The following RPGRIP1 variants were observed in gnomAD, a reference collection of about 807,000 sequenced individuals.
RPGRIP1 encodes the protein X-linked retinitis pigmentosa GTPase regulator-interacting protein 1.
Under a neutral mutation model 157.9 loss-of-function variants are expected in RPGRIP1, and 128 were observed. The ratio of observed to expected loss-of-function variants is 0.81; its 90% CI spans 0.70 to 0.94. The LOEUF (loss-of-function observed/expected upper bound fraction) is 0.94, where lower values mean the gene tolerates loss of function less well. Among genes scored for constraint, RPGRIP1 ranks in the 40% least tolerant of loss-of-function variants. RPGRIP1 has a pLI of 0.00. For synonymous variants in RPGRIP1, 554 were observed against 571.6 expected (o/e 0.97, Z 0.44); for missense variants, 1,486 against 1,545.8 (o/e 0.96, Z 0.65).
chr14:21,320,218 G>A, intron 12 of RPGRIP1, 41 bp downstream of exon 12: 1 of 1,538,428 alleles, frequency 6.5e-7, no homozygotes, highest in Non-Finnish European at 8.9e-7. Context: ...TCTGCAGAGA[G>A]ATCTCTGGCA....
At chr14:21,337,085 C>G (rs57343312) in intron 21 of RPGRIP1, among the ~76,000 whole-genome samples, 4,854 of 152,152 alleles carry the variant, frequency 0.032, 257 homozygotes, top group African/African-American at 0.11. Context: ...AGCTCAGAGT[C>G]AAAACTTGAG....
chr14:21,321,711 G>A, intron 13 of RPGRIP1, 143 bp from the exon 14 acceptor site: 1 of 939,054 alleles, frequency 1.1e-6, no homozygotes, highest in East Asian at 2.6e-5. Flanking sequence ...GGAGGGGTCT[G>A]CAAGGAAATC....
intron 3 of RPGRIP1, among the ~76,000 whole-genome samples, chr14:21,299,118 C>T (rs1880919524): frequency 6.6e-6 from 1 of 151,442 alleles, no homozygotes; most frequent in Non-Finnish European, 1.5e-5. Context: ...CAGATTCAAG[C>T]GATTCTCCTG....
At chr14:21,328,801 T>C (rs144467136) in intron 19 of RPGRIP1, among the ~76,000 whole-genome samples, 174 bp downstream of exon 19, 1,567 of 151,606 alleles carry the variant, frequency 0.01, 6 homozygotes, top group Non-Finnish European at 0.016. Context: ...GGTGGGCAGA[T>C]CACCTCAGGT....
chr14:21,345,419 C>T (rs895099291), intron 23 of RPGRIP1, among the ~76,000 whole-genome samples: 7 of 130,940 alleles, frequency 5.3e-5, no homozygotes, highest in African/African-American at 1.6e-4. Flanking sequence ...TATTTATTTT[C>T]GAGACAGGGT....
intron 8 of RPGRIP1, among the ~76,000 whole-genome samples, chr14:21,311,160 T>C (rs1321833246): frequency 1.3e-5 from 2 of 152,106 alleles, no homozygotes; most frequent in Non-Finnish European, 1.5e-5. Flanking sequence ...ACAAACGTAG[T>C]CATCATAAAA....
intron 21 of RPGRIP1, among the ~76,000 whole-genome samples, chr14:21,337,793 T>C (rs1214051057): frequency 1.4e-5 from 2 of 142,322 alleles, no homozygotes; most frequent in Admixed American, 1.4e-4. Flanking sequence ...TCTCGCTCTG[T>C]CACCCAGGCT....
chr14:21,331,269 T>C (rs956718955), intron 20 of RPGRIP1, among the ~76,000 whole-genome samples: 5 of 148,524 alleles, frequency 3.4e-5, no homozygotes, highest in African/African-American at 1.2e-4. Context: ...ATACCTGTAA[T>C]CCCAGCACTT....
rs762670808 is a variant in RPGRIP1 at position 21,324,975 on chromosome 14, T to C, written c.2120T>C (p.Met707Thr). Residue 707 changes from methionine (M) to threonine (T), a missense_variant, in exon 15 of 25, where the codon ATG becomes ACG. Physicochemically the swap from Met to Thr is moderately conservative, Grantham distance 81. Coordinates refer to ENST00000400017, the MANE Select transcript of RPGRIP1 (RefSeq NM_020366.4). ...ASARLDIHQA[M>T]ASEHSTLAAG... ...GCCCGGCTTGACATACACCAGGCCA[T>C]GGCCAGTGAACACAGCACTCTTGCT... 1 of 1,614,006 alleles carries C rather than the reference T, an allele frequency of 6.2e-7. No homozygotes were observed. Among genetic ancestry groups the C allele is most frequent in the South Asian group, 1.1e-5 (1 of 91,078 alleles).
intron 1 of RPGRIP1, among the ~76,000 whole-genome samples, chr14:21,282,447 A>G (rs56185443): frequency 0.06 from 9,098 of 151,992 alleles, 381 homozygotes; most frequent in Middle Eastern, 0.092. Context: ...TATGTTGACC[A>G]GGATGGTCTC....
chr14:21,312,714 AG>A (rs1290480817), intron 10 of RPGRIP1, among the ~76,000 whole-genome samples: 2 of 150,000 alleles, frequency 1.3e-5, no homozygotes, highest in Non-Finnish European at 3.0e-5. Flanking sequence ...TTTGAGATGG[AG>A]TCTCGCTCTG....
intron 23 of RPGRIP1, among the ~76,000 whole-genome samples, chr14:21,345,634 C>T (rs141550092): frequency 2.2e-4 from 33 of 152,050 alleles, no homozygotes; most frequent in Non-Finnish European, 3.5e-4. Flanking sequence ...TGAACTCCTG[C>T]GCTCAAGCGA....
Position 21,324,611 on chromosome 14 carries a change from C to A in RPGRIP1, c.1763-7C>A. The A allele has an allele frequency of 1.2e-6, 2 of 1,611,344 alleles. No individual in the cohort carries two copies. The highest frequency in any genetic ancestry group is 8.5e-7 in the Non-Finnish European group (1 of 1,179,146). ...TTAACGGATAGGCAGCTTTCTTTCC[C>A]CTCTAGAACAGCTCAAAGATGTTGC... is the stretch of plus-strand genomic sequence containing the variant. On this transcript the variant is annotated splice_polypyrimidine_tract_variant and splice_region_variant and intron_variant, in intron 14 of 24. Coordinates refer to ENST00000400017, the MANE Select transcript of RPGRIP1 (RefSeq NM_020366.4).
chr14:21,306,656 A>G (rs961968894), intron 6 of RPGRIP1, among the ~76,000 whole-genome samples: 31 of 150,894 alleles, frequency 2.1e-4, no homozygotes, highest in African/African-American at 7.1e-4. Flanking sequence ...ACGGGGTTTC[A>G]CCACGTTGGC....
intron 24 of RPGRIP1, among the ~76,000 whole-genome samples, chr14:21,349,068 ATTTT>A (rs397709409): frequency 8.8e-6 from 1 of 113,424 alleles, no homozygotes; most frequent in African/African-American, 3.5e-5. Context: ...CCTTACTACA[ATTTT>A]TTTTTTTTTT....
intron 17 of RPGRIP1, among the ~76,000 whole-genome samples, chr14:21,327,332 T>A (rs1883217943): frequency 1.3e-5 from 2 of 152,188 alleles, no homozygotes; most frequent in African/African-American, 2.4e-5. Flanking sequence ...GCAGCCTTGT[T>A]CATTGGCTGG....
In RPGRIP1 at chr14:21,325,257, T is replaced by G; in HGVS notation, c.2241T>G (p.Val747=). 3.7e-6 allele frequency: 6 copies of G among 1,612,984 alleles called. No homozygotes were observed. The highest frequency in any genetic ancestry group is 5.1e-6 in the Non-Finnish European group (6 of 1,179,564). Residue 747 remains valine, a synonymous_variant, in exon 16 of 25, where the codon GTT becomes GTG. Transcript: ENST00000400017. ...GAGCTGGTGGAGAAGAGTTCGGGGT[T>G]CTAGAGTACTGGATGAGGCTGCGTT... is the stretch of plus-strand genomic sequence containing the variant. The part of the protein sequence containing the change: ...LIGAGGEEFG[V]LEYWMRLRFP...
chr14:21,348,379 A>G (rs1052794789), intron 24 of RPGRIP1, 77 bp downstream of exon 24: 7 of 1,111,792 alleles, frequency 6.3e-6, no homozygotes, highest in Middle Eastern at 2.0e-4. Flanking sequence ...TCTTCAATAC[A>G]TAATTATTAC....
In RPGRIP1 at chr14:21,328,507, G is replaced by A; in HGVS notation, c.2979G>A (p.Lys993=). ...AACCTCCTCATGGGGGAGAAAGAAA[G>A]GAGAAGGAGCACCAGGTTGTGAGCT... The part of the protein sequence containing the change: ...KRKPPHGGER[K]EKEHQVVSYS... Residue 993 remains lysine, a synonymous_variant, in exon 19 of 25, where the codon AAG becomes AAA. Transcript: ENST00000400017. 6.2e-7 allele frequency: 1 copy of A among 1,613,800 alleles called. No homozygotes were observed. Among genetic ancestry groups the A allele is most frequent in the Non-Finnish European group, 8.5e-7 (1 of 1,179,796 alleles).
Sources: allele counts gnomAD v4.1 joint callset (sites outside exome capture counted in the v4.1 genomes callset), GRCh38; gene constraint gnomAD v4.1.1; transcripts MANE v1.5; gene names NCBI Gene and HGNC (gene_info 2026-07-23, HGNC 2026-07-21).